ESRRG: variants seen among roughly 807,000 people sequenced by gnomAD.
ESRRG encodes the protein estrogen related receptor gamma.
ESRRG carries 13 observed loss-of-function variants against 44.0 expected under a neutral mutation model. The observed-to-expected ratio is 0.30, with a 90% CI of 0.19 to 0.47. ESRRG has a LOEUF of 0.47. Ranked by LOEUF, ESRRG falls within the 20% of genes least tolerant of loss-of-function variation. The pLI is 1.00. For synonymous variants in ESRRG, 215 were observed against 214.6 expected (o/e 1.00, Z -0.02); for missense variants, 395 against 580.6 (o/e 0.68, Z 3.29).
intron 1 of ESRRG, among the ~76,000 whole-genome samples, chr1:217,097,540 T>G (rs770488715): frequency 7.9e-5 from 12 of 152,196 alleles, no homozygotes; most frequent in South Asian, 2.1e-4. Flanking sequence ...AAAGGAGGGC[T>G]GCACAACCGA....
intron 4 of ESRRG, among the ~76,000 whole-genome samples, chr1:216,567,400 C>G (rs926688630): frequency 5.3e-5 from 8 of 152,138 alleles, no homozygotes; most frequent in African/African-American, 1.9e-4. Context: ...TCTTTAAAAA[C>G]AATTCATACC....
intron 2 of ESRRG, among the ~76,000 whole-genome samples, chr1:216,831,801 T>G (rs2095491956): frequency 8.8e-6 from 1 of 113,656 alleles, no homozygotes. Context: ...ATGTGGGGCC[T>G]GGTCAGAAAT....
At chr1:216,556,539 C>T (rs2057619276) in intron 5 of ESRRG, among the ~76,000 whole-genome samples, 1 of 152,144 alleles carries the variant, frequency 6.6e-6, no homozygotes, top group Non-Finnish European at 1.5e-5. Flanking sequence ...TTTCAAAATG[C>T]AGTTCAACTC....
rs533877894 is a variant in ESRRG, at chr1:216,519,114, TA to T, written c.1132+37del. On this transcript the variant is annotated intron_variant, in intron 6 of 6. Coordinates refer to ENST00000408911, the MANE Select transcript of ESRRG (RefSeq NM_001438.4). ...AAGGAGAGGGGTAAAACTGACATAT[TA>T]AAAAAAATGTAACAATGACTATGTC... 1.1e-3 allele frequency: 1,693 copies of T among 1,585,214 alleles called. 12 individuals carry two copies. The Middle Eastern group carries it at 0.016, about 15-fold the overall frequency.
At chr1:217,133,643 CTCTCTTTCTTTCTTTCTT>C (rs768466130) in intron 1 of ESRRG, among the ~76,000 whole-genome samples, 215 of 52,664 alleles carry the variant, frequency 4.1e-3, no homozygotes, top group South Asian at 0.011. Flanking sequence ...CTCTCTCTCT[CTCTCTTTCTTTCTTTCTT>C]TCTTTCTTTC....
At chr1:216,655,465 G>A (rs114856550) in intron 2 of ESRRG, among the ~76,000 whole-genome samples, 4,351 of 152,188 alleles carry the variant, frequency 0.029, 108 homozygotes, top group Middle Eastern at 0.037. Flanking sequence ...GACATGAAAA[G>A]TAAAGAAATG....
chr1:217,048,280 G>T (rs1168217959), intron 1 of ESRRG, among the ~76,000 whole-genome samples: 1 of 152,156 alleles, frequency 6.6e-6, no homozygotes, highest in African/African-American at 2.4e-5. Context: ...GGGCTGGGAG[G>T]TGGAGAGTAG....
chr1:216,814,103 A>C (rs1259338025), intron 2 of ESRRG, among the ~76,000 whole-genome samples: 2 of 149,596 alleles, frequency 1.3e-5, no homozygotes, highest in Non-Finnish European at 3.0e-5. Flanking sequence ...CAAAAGGCTT[A>C]AGTCCTTGGT....
intron 4 of ESRRG, among the ~76,000 whole-genome samples, chr1:216,564,931 T>A (rs1237668830): frequency 2.0e-5 from 3 of 152,106 alleles, no homozygotes; most frequent in Non-Finnish European, 4.4e-5. Flanking sequence ...TAACTCTATC[T>A]CCGTGGGATG....
intron 1 of ESRRG, among the ~76,000 whole-genome samples, chr1:216,697,246 G>T (rs919744087): frequency 6.6e-6 from 1 of 152,148 alleles, no homozygotes; most frequent in Admixed American, 6.5e-5. Context: ...AATTACAAGC[G>T]TGAGCCACTG....
chr1:216,807,636 G>T (rs2094838757), intron 2 of ESRRG, among the ~76,000 whole-genome samples: 1 of 152,062 alleles, frequency 6.6e-6, no homozygotes, highest in Non-Finnish European at 1.5e-5. Flanking sequence ...GCAGATCTCA[G>T]CTGTGTTAGA....
chr1:216,931,973 A>G (rs1004547514), intron 2 of ESRRG, among the ~76,000 whole-genome samples: 3 of 152,214 alleles, frequency 2.0e-5, no homozygotes, highest in African/African-American at 7.2e-5. Flanking sequence ...TGGGAGGCCG[A>G]GGCAGGCAGA....
chr1:216,575,984 C>T (rs2061618897), intron 3 of ESRRG, among the ~76,000 whole-genome samples: 1 of 151,998 alleles, frequency 6.6e-6, no homozygotes, highest in Non-Finnish European at 1.5e-5. Context: ...TGTGAACAAA[C>T]CAAAAGTGAT....
intron 1 of ESRRG, among the ~76,000 whole-genome samples, chr1:216,941,091 G>A (rs2065151479): frequency 6.6e-6 from 1 of 152,002 alleles, no homozygotes; most frequent in Non-Finnish European, 1.5e-5. Flanking sequence ...AGAGACAGGA[G>A]GTAAGATGAC....
intron 5 of ESRRG, among the ~76,000 whole-genome samples, chr1:216,535,207 A>G (rs548148835): frequency 9.9e-5 from 15 of 152,272 alleles, no homozygotes; most frequent in African/African-American, 3.6e-4. Context: ...GTGCAATCTC[A>G]GCTACTAACT....
rs145948216 is a variant in ESRRG at position 216,886,834 on chromosome 1, C to T, written c.-14+52748G>A. ...GGCCTCCTGGGCTCAGGTGATCCTC[C>T]CACCTTAGCCTCCCAAATAGCTGGG... On this transcript the variant is annotated intron_variant, in intron 2 of 7. Transcript: ENST00000359162. Among the ~76,000 whole-genome samples the T allele has an allele frequency of 5.6e-3, 860 of 152,236 alleles. 9 individuals are homozygous for T. Among genetic ancestry groups the T allele is most frequent in the African/African-American group, 0.019 (794 of 41,544 alleles).
At chr1:216,968,529 A>C (rs2070930571) in intron 1 of ESRRG, among the ~76,000 whole-genome samples, 1 of 152,080 alleles carries the variant, frequency 6.6e-6, no homozygotes, top group Non-Finnish European at 1.5e-5. Flanking sequence ...CTCCATTGTC[A>C]AAGATTAACT....
At chr1:216,833,078 C>A (rs1199130877) in intron 2 of ESRRG, among the ~76,000 whole-genome samples, 1 of 151,884 alleles carries the variant, frequency 6.6e-6, no homozygotes, top group African/African-American at 2.4e-5. Flanking sequence ...AGAATTACAG[C>A]AGTACTGAAC....
At chr1:216,930,685 A>T (rs1479131667) in intron 2 of ESRRG, among the ~76,000 whole-genome samples, 4 of 152,208 alleles carry the variant, frequency 2.6e-5, no homozygotes, top group Non-Finnish European at 4.4e-5. Context: ...TTGTTTCAGC[A>T]TGAGTCTTAA....
Sources: allele counts gnomAD v4.1 joint callset (sites outside exome capture counted in the v4.1 genomes callset), GRCh38; gene constraint gnomAD v4.1.1; transcripts MANE v1.5; gene names NCBI Gene and HGNC (gene_info 2026-07-23, HGNC 2026-07-21).